Variants in ADCY9 observed in about 807,000 individuals in gnomAD.
The protein encoded by ADCY9 is adenylate cyclase 9.
Under a neutral mutation model 101.5 loss-of-function variants are expected in ADCY9, and 50 were observed. The observed-to-expected ratio is 0.49, with a 90% CI of 0.39 to 0.62. The LOEUF (loss-of-function observed/expected upper bound fraction) is 0.62, where lower values mean the gene tolerates loss of function less well. Ranked by LOEUF, ADCY9 falls within the 20% of genes least tolerant of loss-of-function variation. The pLI is 0.00. For synonymous variants in ADCY9, 905 were observed against 769.3 expected (o/e 1.18, Z -2.92); for missense variants, 1,662 against 1,800.4 (o/e 0.92, Z 1.39).
At chr16:4,081,829 G>A (rs1377776846) in intron 2 of ADCY9, among the ~76,000 whole-genome samples, 4 of 150,622 alleles carry the variant, frequency 2.7e-5, no homozygotes, top group African/African-American at 7.4e-5. Flanking sequence ...AGCAGGGGAG[G>A]AGGGCGCTGT....
chr16:4,011,264 T>C (rs926043523), intron 2 of ADCY9, among the ~76,000 whole-genome samples: 3 of 152,108 alleles, frequency 2.0e-5, no homozygotes, highest in African/African-American at 7.2e-5. Flanking sequence ...TGGAGCTCAG[T>C]GTGGCTGGAG....
intron 2 of ADCY9, among the ~76,000 whole-genome samples, chr16:4,103,342 T>C (rs1039844485): frequency 3.3e-5 from 5 of 152,226 alleles, no homozygotes; most frequent in Admixed American, 1.3e-4. Flanking sequence ...TCTAAACTAT[T>C]TGCACAATGA....
intron 5 of ADCY9, among the ~76,000 whole-genome samples, chr16:3,954,268 G>A (rs1165802272): frequency 6.6e-6 from 1 of 152,220 alleles, no homozygotes; most frequent in Non-Finnish European, 1.5e-5. Flanking sequence ...GAACGACGAT[G>A]CTTCGACATC....
intron 2 of ADCY9, among the ~76,000 whole-genome samples, chr16:4,089,286 G>C (rs572610814): frequency 6.6e-6 from 1 of 151,968 alleles, no homozygotes; most frequent in East Asian, 1.9e-4. Flanking sequence ...GGCTGGTCTC[G>C]AACTCCTGGG....
At chr16:4,060,256 G>C (rs1356127039) in intron 2 of ADCY9, among the ~76,000 whole-genome samples, 2 of 152,204 alleles carry the variant, frequency 1.3e-5, no homozygotes, top group Admixed American at 1.3e-4. Context: ...CAGAGAATAA[G>C]GGAGCTATCA....
Position 4,017,896 on chromosome 16 carries a change from G to A in ADCY9, c.1694-10338C>T, listed in dbSNP as rs1201989134. 3.9e-5 allele frequency among the ~76,000 whole-genome samples: 6 copies of A among 152,238 alleles called. No homozygotes were observed. The East Asian group carries it at 7.7e-4, about 20-fold the overall frequency. On this transcript the variant is annotated intron_variant, in intron 2 of 10. Coordinates refer to ENST00000294016, the MANE Select transcript of ADCY9 (RefSeq NM_001116.4). ...GGCCGACACCCACATTGTCTTCTTC[G>A]AGCACAAACACACTTCTCCTGCAGC...
At chr16:4,040,059 C>CAAGAG (rs909650052) in intron 2 of ADCY9, among the ~76,000 whole-genome samples, 16 of 151,844 alleles carry the variant, frequency 1.1e-4, no homozygotes, top group Non-Finnish European at 1.5e-4. Flanking sequence ...GAAAAGAAAA[C>CAAGAG]AAGAGAAGAG....
At chr16:4,012,462 G>A (rs559311221) in intron 2 of ADCY9, among the ~76,000 whole-genome samples, 7 of 110,050 alleles carry the variant, frequency 6.4e-5, no homozygotes, top group Middle Eastern at 5.1e-3. Context: ...TGGCTCTTTT[G>A]CAGCAGAAGG....
intron 2 of ADCY9, among the ~76,000 whole-genome samples, chr16:4,081,812 G>GA (rs2056904845): frequency 6.1e-5 from 9 of 147,746 alleles, no homozygotes; most frequent in African/African-American, 1.3e-4. Flanking sequence ...AAGAGCAAGA[G>GA]GGGGGCAGCA....
rs1267571874 is a variant in ADCY9 at position 4,043,209 on chromosome 16, CGACAGAGCAA to C, written c.1694-35661_1694-35652del. On this transcript the variant is annotated intron_variant, in intron 2 of 10. Transcript: ENST00000294016. ...TGGCGCCACTGCACTCCAGCCTGGG[CGACAGAGCAA>C]GACTCTGTCTCAAAAACAAACAAAC... is the stretch of plus-strand genomic sequence containing the variant. 2.0e-5 allele frequency among the ~76,000 whole-genome samples: 3 copies of C among 152,096 alleles called. No homozygotes were observed. In the East Asian group the frequency reaches 5.8e-4, roughly 29 times the overall value.
At chr16:4,038,045 G>T (rs1346826408) in intron 2 of ADCY9, among the ~76,000 whole-genome samples, 1 of 152,192 alleles carries the variant, frequency 6.6e-6, no homozygotes, top group East Asian at 1.9e-4. Flanking sequence ...AGGCTGAGGT[G>T]GAAGAATCAC....
intron 2 of ADCY9, among the ~76,000 whole-genome samples, chr16:4,031,554 T>C (rs2056555269): frequency 6.6e-6 from 1 of 152,218 alleles, no homozygotes; most frequent in Non-Finnish European, 1.5e-5. Flanking sequence ...ATACTATTAT[T>C]TCAACTTTTC....
chr16:4,109,673 G>T (rs75101189), intron 2 of ADCY9, among the ~76,000 whole-genome samples: 2,132 of 152,222 alleles, frequency 0.014, 33 homozygotes, highest in Non-Finnish European at 0.023. Flanking sequence ...CTGGCTTGCA[G>T]TCCCATCAAG....
At chr16:4,072,380 G>A (rs996822767) in intron 2 of ADCY9, among the ~76,000 whole-genome samples, 8 of 152,198 alleles carry the variant, frequency 5.3e-5, no homozygotes, top group Admixed American at 2.6e-4. Context: ...GTAAGACCAA[G>A]AACTTACCAT....
At chr16:4,020,033 G>A (rs953331021) in intron 2 of ADCY9, among the ~76,000 whole-genome samples, 6 of 151,876 alleles carry the variant, frequency 4.0e-5, no homozygotes, top group African/African-American at 1.2e-4. Flanking sequence ...AGCTGAGATC[G>A]CGCCACTGCA....
chr16:4,027,653 T>TGG lies in ADCY9; in HGVS notation c.1694-20096_1694-20095insCC, dbSNP rs1567443842. On this transcript the variant is annotated intron_variant, in intron 2 of 10. Coordinates refer to ENST00000294016, the MANE Select transcript of ADCY9 (RefSeq NM_001116.4). ...GCACTGTGGGAGGCCGAGGTGGGCA[T>TGG]ATCACCTGAGCTCAAGAGTTCGAGA... is the stretch of plus-strand genomic sequence containing the variant. 4.2e-3 allele frequency among the ~76,000 whole-genome samples: 638 copies of TGG among 152,118 alleles called. 9 individuals are homozygous for TGG. The highest frequency in any genetic ancestry group is 0.014 in the African/African-American group (596 of 41,490).
At chr16:4,056,416 G>C (rs2056738447) in intron 2 of ADCY9, among the ~76,000 whole-genome samples, 1 of 152,106 alleles carries the variant, frequency 6.6e-6, no homozygotes, top group Non-Finnish European at 1.5e-5. Context: ...ACCACACTTA[G>C]GTAATTTTTG....
chr16:3,984,895 C>T (rs2056177594), intron 6 of ADCY9, among the ~76,000 whole-genome samples: 2 of 152,148 alleles, frequency 1.3e-5, no homozygotes, highest in African/African-American at 4.8e-5. Context: ...CCGGGTGCCT[C>T]GACCACTCCC....
At position 3,966,446 on chromosome 16, in the gene ADCY9, G is replaced by C. The variant is rs1357446146; in HGVS notation, c.3391C>G (p.Pro1131Ala). 6.2e-7 allele frequency: 1 copy of C among 1,614,142 alleles called. No homozygotes were observed. Among genetic ancestry groups the C allele is most frequent in the Non-Finnish European group, 8.5e-7 (1 of 1,180,048 alleles). Residue 1131 changes from proline to alanine, a missense_variant, in exon 11 of 11, where the codon CCG becomes GCG. By Grantham distance (27) the Pro-to-Ala change is conservative. Coordinates refer to ENST00000294016, the MANE Select transcript of ADCY9 (RefSeq NM_001116.4). ...NTAQAQDGSH[P>A]QEHLQILFEF... ...AACAGGATCTGCAGGTGCTCCTGCG[G>C]GTGGCTGCCGTCCTGGGCCTGCGCG...
Sources: gnomAD v4.1 joint callset for allele counts (sites outside exome capture counted in the v4.1 genomes callset) on GRCh38, gnomAD v4.1.1 for gene constraint, MANE v1.5 for transcripts, NCBI Gene and HGNC (gene_info 2026-07-23, HGNC 2026-07-21) for gene names.